Variants in SAMD5 observed in about 807,000 individuals in gnomAD.
SAMD5 encodes sterile alpha motif domain-containing protein 5.
In SAMD5, 13 loss-of-function variants were observed where a neutral mutation model predicts 11.3. The observed-to-expected ratio is 1.15, with a 90% confidence interval of 0.75 to 1.83. The LOEUF is 1.83. Among genes scored for constraint, SAMD5 ranks in the 40% most tolerant of loss-of-function variants. SAMD5 has a pLI of 0.00. For synonymous variants in SAMD5, 129 were observed against 111.3 expected (o/e 1.16, Z -1.00); for missense variants, 255 against 239.1 (o/e 1.07, Z -0.44).
At chr6:147,919,110 TG>T in the SAMD5 span, among the ~76,000 whole-genome samples, 1 of 152,208 alleles carries the variant, frequency 6.6e-6, no homozygotes, top group African/African-American at 2.4e-5. Flanking sequence ...ATGCCTTATC[TG>T]TCCCTTGGCA....
At chr6:147,889,790 C>T in the SAMD5 span, among the ~76,000 whole-genome samples, 1 of 152,182 alleles carries the variant, frequency 6.6e-6, no homozygotes, top group African/African-American at 2.4e-5. Context: ...TTGGGGTGAA[C>T]ATTCTTTCAT....
At chr6:147,580,261 G>A (rs1789277505) in intron 1 of SAMD5, among the ~76,000 whole-genome samples, 1 of 152,156 alleles carries the variant, frequency 6.6e-6, no homozygotes. Context: ...TAATGTCAAG[G>A]CCAGTCTCAA....
chr6:147,759,264 C>A, the SAMD5 span, among the ~76,000 whole-genome samples: 1 of 152,142 alleles, frequency 6.6e-6, no homozygotes. Context: ...AAGAAATCAA[C>A]ATAAGCTAAA....
intron 1 of SAMD5, among the ~76,000 whole-genome samples, chr6:147,632,173 T>C (rs1440539634): frequency 6.6e-6 from 1 of 152,168 alleles, no homozygotes; most frequent in Non-Finnish European, 1.5e-5. Flanking sequence ...CCCTGAGCGA[T>C]GGGATCTGAT....
chr6:147,687,795 T>C (rs1391086784), intron 1 of SAMD5, among the ~76,000 whole-genome samples: 1 of 152,244 alleles, frequency 6.6e-6, no homozygotes, highest in Non-Finnish European at 1.5e-5. Context: ...GCATAGTTTC[T>C]GCTGAGAAGT....
At chr6:147,867,245 A>G in the SAMD5 span, among the ~76,000 whole-genome samples, 1 of 151,028 alleles carries the variant, frequency 6.6e-6, no homozygotes, top group Non-Finnish European at 1.5e-5. Flanking sequence ...ATTCTGGGAC[A>G]ATTAACCATA....
the SAMD5 span, among the ~76,000 whole-genome samples, chr6:147,831,016 A>G: frequency 6.6e-6 from 1 of 152,232 alleles, no homozygotes; most frequent in Non-Finnish European, 1.5e-5. Flanking sequence ...TAAAAGCTTC[A>G]GCCCCTGGCA....
the SAMD5 span, among the ~76,000 whole-genome samples, chr6:147,943,630 G>A: frequency 6.6e-6 from 1 of 151,940 alleles, no homozygotes; most frequent in Admixed American, 6.6e-5. Context: ...AATAGTTTGG[G>A]ATCCTCCTTC....
At chr6:147,729,140 A>G (rs9497853) in intron 1 of SAMD5, among the ~76,000 whole-genome samples, 5,164 of 152,230 alleles carry the variant, frequency 0.034, 116 homozygotes, top group African/African-American at 0.057. Flanking sequence ...TTTGCTCTGT[A>G]TGCAAACATT....
chr6:147,894,216 C>T, the SAMD5 span, among the ~76,000 whole-genome samples: 258 of 151,794 alleles, frequency 1.7e-3, 1 homozygote, highest in African/African-American at 5.7e-3. Flanking sequence ...CTCCATCCCC[C>T]AGGTTCAAGT....
At chr6:147,534,512 A>G (rs147204118) in intron 1 of SAMD5, among the ~76,000 whole-genome samples, 2,569 of 152,294 alleles carry the variant, frequency 0.017, 54 homozygotes, top group South Asian at 0.065. Context: ...GCGGGAGACC[A>G]GAGTTTTATT....
At chr6:147,882,130 T>C in the SAMD5 span, among the ~76,000 whole-genome samples, 30 of 152,240 alleles carry the variant, frequency 2.0e-4, no homozygotes, top group Admixed American at 2.0e-3. Flanking sequence ...TTCTCAGTTG[T>C]AGCGGCTTTC....
the SAMD5 span, among the ~76,000 whole-genome samples, chr6:147,827,637 C>A: frequency 6.6e-6 from 1 of 152,162 alleles, no homozygotes; most frequent in East Asian, 1.9e-4. Context: ...AGGAAGTGTT[C>A]TTGTCTCTGG....
chr6:147,875,805 C>G, the SAMD5 span, among the ~76,000 whole-genome samples: 1 of 152,192 alleles, frequency 6.6e-6, no homozygotes, highest in African/African-American at 2.4e-5. Flanking sequence ...CTGTCACCAT[C>G]TCCCATCAAC....
At chr6:147,538,983 A>T (rs1788557043) in intron 1 of SAMD5, among the ~76,000 whole-genome samples, 1 of 152,180 alleles carries the variant, frequency 6.6e-6, no homozygotes, top group Non-Finnish European at 1.5e-5. Flanking sequence ...CAGACAGAAG[A>T]TTCGGCACTT....
At chr6:147,546,595 C>A (rs1788691569) in intron 1 of SAMD5, among the ~76,000 whole-genome samples, 1 of 151,224 alleles carries the variant, frequency 6.6e-6, no homozygotes, top group South Asian at 2.1e-4. Context: ...ATCCCATTGA[C>A]CAGAGCTCCA....
chr6:147,927,916 G>GA, the SAMD5 span, among the ~76,000 whole-genome samples: 59 of 152,212 alleles, frequency 3.9e-4, 3 homozygotes, highest in South Asian at 0.012. Flanking sequence ...TGTATCTATT[G>GA]ACATAATTGT....
At chr6:147,746,511 A>C in the SAMD5 span, among the ~76,000 whole-genome samples, 1 of 152,212 alleles carries the variant, frequency 6.6e-6, no homozygotes, top group African/African-American at 2.4e-5. Context: ...TGTCAAGGAG[A>C]GTAATCTGTA....
the SAMD5 span, among the ~76,000 whole-genome samples, chr6:147,775,261 C>A: frequency 6.6e-6 from 1 of 152,204 alleles, no homozygotes; most frequent in East Asian, 1.9e-4. Context: ...GCTGCAGGAA[C>A]TGGGCAAGTT....
Sources: gnomAD v4.1 joint callset for allele counts (sites outside exome capture counted in the v4.1 genomes callset) on GRCh38, gnomAD v4.1.1 for gene constraint, MANE v1.5 for transcripts, NCBI Gene and HGNC (gene_info 2026-07-23, HGNC 2026-07-21) for gene names.